CARD14: variants seen among roughly 807,000 people sequenced by gnomAD.
CARD14 encodes the protein caspase recruitment domain family member 14.
CARD14 carries 107 observed loss-of-function variants against 111.5 expected under a neutral mutation model. The observed-to-expected ratio is 0.96, with a 90% CI of 0.82 to 1.13. The LOEUF is 1.13. Ranked by LOEUF, CARD14 falls within the 50% of genes most tolerant of loss-of-function variation. CARD14 has a pLI of 0.00. For synonymous variants in CARD14, 617 were observed against 579.6 expected (o/e 1.06, Z -0.93); for missense variants, 1,322 against 1,362.3 (o/e 0.97, Z 0.47).
At chr17:80,176,335 G>A (rs977552093) in intron 2 of CARD14, among the ~76,000 whole-genome samples, 5 of 150,804 alleles carry the variant, frequency 3.3e-5, no homozygotes, top group Admixed American at 1.3e-4. Context: ...CAGATACTCC[G>A]GAGGCTAAGG....
At position 80,208,112 on chromosome 17, in the gene CARD14, G is replaced by GC. The variant is rs750926227; in HGVS notation, c.2808-18dup. ...TGGGCCCTTGCTCTCCCCTGAGCCC[G>GC]CCCCCCCCAACTCTGGCCTGTGCAG... On this transcript the variant is annotated intron_variant, in intron 23 of 23. Coordinates refer to ENST00000648509, the MANE Select transcript of CARD14 (RefSeq NM_001366385.1). 349 of 1,216,830 alleles carry GC rather than the reference G, an allele frequency of 2.9e-4. 1 individual carries two copies. Among genetic ancestry groups the GC allele is most frequent in the African/African-American group, 1.1e-3 (72 of 64,606 alleles). 75.4% of individuals were successfully genotyped at this position (1,216,830 alleles called of 1,614,324 possible). A position where few individuals can be genotyped will look rare whatever the true frequency, so the allele number is the denominator to read the frequency against.
At chr17:80,196,225 A>G (rs1352025510) in intron 14 of CARD14, 1 of 152,356 alleles carries the variant, frequency 6.6e-6, no homozygotes, top group Non-Finnish European at 1.5e-5. Context: ...CCTTGCACAC[A>G]GTAGGTGCTT....
At position 80,208,305 on chromosome 17, in the gene CARD14, A is replaced by C. The variant is rs767476798; in HGVS notation, c.2975A>C (p.Glu992Ala). ...TGTGTCCGCCAGGCCATCGCCGACGAGCAGAAGAAGGTGGTGTGGACGGAG... is the reference window on the plus strand; with the variant it reads ...TGTGTCCGCCAGGCCATCGCCGACGCGCAGAAGAAGGTGGTGTGGACGGAG... ...LSCVRQAIAD[E>A]QKKVVWTEQS... The change falls in exon 24 of 24, where the codon GAG becomes GCG. Residue 992 changes from glutamate (E) to alanine (A), a missense_variant. By Grantham distance (107) the Glu-to-Ala change is moderately radical. Transcript: ENST00000648509. 3.1e-6 allele frequency: 5 copies of C among 1,605,794 alleles called. No individual in the cohort carries two copies. Among genetic ancestry groups the C allele is most frequent in the Non-Finnish European group, 4.2e-6 (5 of 1,177,276 alleles).
chr17:80,182,802 G>A lies in CARD14; in HGVS notation c.349+12G>A, dbSNP rs373598742. On this transcript the variant is annotated intron_variant, in intron 6 of 23. Coordinates refer to ENST00000648509, the MANE Select transcript of CARD14 (RefSeq NM_001366385.1). This position sits in a 1 kb window ranked among gnomAD's most constrained non-coding sequence, Gnocchi z 4.7. ...CAGTAACTTTAGCGGTGAGAGCTCC[G>A]ACTTTGACGGTTTGGCAGGCACTTC... is the stretch of plus-strand genomic sequence containing the variant. The A allele has an allele frequency of 3.4e-5, 55 of 1,613,768 alleles. No individual in the cohort carries two copies. The highest frequency in any genetic ancestry group is 3.0e-4 in the Admixed American group (18 of 59,978).
At chr17:80,183,219 G>A (rs575725677) in intron 6 of CARD14, among the ~76,000 whole-genome samples, 19 of 152,326 alleles carry the variant, frequency 1.2e-4, no homozygotes, top group South Asian at 6.2e-4. Flanking sequence ...TGGCAGGGCC[G>A]CGGAGCCTTC....
rs771677359 is a variant in CARD14, at chr17:80,192,505, C to T, written c.1242C>T (p.Leu414=). ...CCTGTCTGGCCTGTCTTTGGCAGCT[C>T]AAGCAGGAAGCCAGGACCAGGGAGC... ...RQLQAEPPGV[L]KQEARTREPC... Residue 414 remains leucine, a splice_region_variant and synonymous_variant, in exon 12 of 24, where the codon CTC becomes CTT. Coordinates refer to ENST00000648509, the MANE Select transcript of CARD14 (RefSeq NM_001366385.1). The T allele has an allele frequency of 6.2e-7, 1 of 1,612,880 alleles. No homozygotes were observed. Among genetic ancestry groups the T allele is most frequent in the Non-Finnish European group, 8.5e-7 (1 of 1,179,310 alleles).
At chr17:80,180,904 A>G (rs867056593) in intron 4 of CARD14, among the ~76,000 whole-genome samples, 4 of 152,332 alleles carry the variant, frequency 2.6e-5, no homozygotes, top group Middle Eastern at 3.4e-3. Flanking sequence ...CTGGGATTGC[A>G]GGTGCATACC....
At chr17:80,193,193 GA>G (rs2040582322) in intron 12 of CARD14, among the ~76,000 whole-genome samples, 4 of 152,226 alleles carry the variant, frequency 2.6e-5, no homozygotes, top group Admixed American at 2.6e-4. Flanking sequence ...GGGTGGACAT[GA>G]GTTTCCAGGG....
chr17:80,205,383 G>A, intron 21 of CARD14, 148 bp from the exon 22 acceptor site: 1 of 1,221,924 alleles, frequency 8.2e-7, no homozygotes, highest in East Asian at 2.6e-5. Flanking sequence ...AGAGCGGGGT[G>A]TGCAGGGTCA....
chr17:80,181,537 C>T lies in CARD14; in HGVS notation c.99C>T (p.Cys33=), dbSNP rs774252063. ...GCCACCGCCACAGGATCGTACGCTG[C>T]ATCTGCCCCAGCCGCCTCACCCCCT... The part of the protein sequence containing the change: ...MESHRHRIVR[C]ICPSRLTPYL... The change falls in exon 5 of 24, where the codon TGC becomes TGT. Residue 33 remains cysteine, a synonymous_variant. Transcript: ENST00000648509. The T allele has an allele frequency of 1.3e-6, 2 of 1,580,854 alleles. No homozygotes were observed. Among genetic ancestry groups the T allele is most frequent in the Non-Finnish European group, 1.7e-6 (2 of 1,163,990 alleles).
Position 80,198,526 on chromosome 17 carries a change from C to T in CARD14, c.1786C>T (p.His596Tyr), listed in dbSNP as rs144549093. The change falls in exon 16 of 24, where the codon CAC (histidine) becomes TAC (tyrosine). Residue 596 changes from histidine to tyrosine, a missense_variant. Transcript: ENST00000648509. This position sits in a 1 kb window ranked among gnomAD's most constrained non-coding sequence, Gnocchi z 7.5. ...IGGNLTGIFIHRVTPGSAADQ... is the reference protein window; with the variant it reads ...IGGNLTGIFIYRVTPGSAADQ... ...CGGGAACCTCACGGGCATCTTCATC[C>T]ACCGGGTCACCCCGGGCTCGGCGGC... 2.5e-6 allele frequency: 4 copies of T among 1,613,168 alleles called. No homozygotes were observed. Among genetic ancestry groups the T allele is most frequent in the Non-Finnish European group, 2.5e-6 (3 of 1,179,928 alleles).
intron 10 of CARD14, 148 bp from the exon 11 acceptor site, chr17:80,191,175 A>G: frequency 9.5e-7 from 1 of 1,050,700 alleles, no homozygotes; most frequent in Non-Finnish European, 1.4e-6. Context: ...GTGAACACGA[A>G]TTGAAATGAA....
In CARD14 at chr17:80,208,120, C is replaced by A; in HGVS notation, c.2808-18C>A. The A allele has an allele frequency of 4.0e-6, 6 of 1,502,478 alleles. No individual in the cohort carries two copies. Among genetic ancestry groups the A allele is most frequent in the South Asian group, 1.3e-5 (1 of 78,228 alleles). 93.1% of individuals were successfully genotyped at this position (1,502,478 alleles called of 1,614,324 possible). On this transcript the variant is annotated intron_variant, in intron 23 of 23. Coordinates refer to ENST00000648509, the MANE Select transcript of CARD14 (RefSeq NM_001366385.1). ...TGCTCTCCCCTGAGCCCGCCCCCCC[C>A]AACTCTGGCCTGTGCAGGAAGGGCC...
rs148170776 is a variant in CARD14 at position 80,182,690 on chromosome 17, C to A, written c.249C>A (p.Asn83Lys). 2 of 1,614,012 alleles carry A rather than the reference C, an allele frequency of 1.2e-6. No individual in the cohort carries two copies. Among genetic ancestry groups the A allele is most frequent in the East Asian group, 2.2e-5 (1 of 44,888 alleles). The change falls in exon 6 of 24, where the codon AAC becomes AAA. Residue 83 changes from asparagine to lysine, a missense_variant. Asn to Lys is a moderately conservative substitution (Grantham distance 94). Transcript: ENST00000648509. The surrounding 1 kb of genome is among the most constrained non-coding windows in gnomAD (Gnocchi z 4.7). The stretch of plus-strand genomic sequence containing the variant: ...ATTTGCTGAAGACTCGAGGGAAGAA[C>A]GGGGCCATCGCCTTCCTGGAGAGCC... ...LLDLLKTRGK[N>K]GAIAFLESLK...
chr17:80,203,996 G>A lies in CARD14; in HGVS notation c.2283+111G>A. Reference sequence around the variant, plus strand: ...TGGAGAGTGGGCTGCTGATTGGAGGGTAACCCCACCTGTCTCTCCTCTGCA... The same window carrying A: ...TGGAGAGTGGGCTGCTGATTGGAGGATAACCCCACCTGTCTCTCCTCTGCA... On this transcript the variant is annotated intron_variant, in intron 19 of 23. Coordinates refer to ENST00000648509, the MANE Select transcript of CARD14 (RefSeq NM_001366385.1). This position sits in a 1 kb window ranked among gnomAD's most constrained non-coding sequence, Gnocchi z 4.6. 2.1e-6 allele frequency: 2 copies of A among 939,764 alleles called. No homozygotes were observed. The highest frequency in any genetic ancestry group is 3.2e-6 in the Non-Finnish European group (2 of 619,628). 58.2% of individuals were successfully genotyped at this position (939,764 alleles called of 1,614,324 possible). A position where few individuals can be genotyped will look rare whatever the true frequency, so the allele number is the denominator to read the frequency against.
At position 80,198,712 on chromosome 17, in the gene CARD14, T is replaced by C. The variant is rs540474487; in HGVS notation, c.1851+121T>C. ...ATGCAGATCCACTCTGGGCTGGGCC[T>C]CTGCTCTTTCCTGGGCTGACGTAAA... On this transcript the variant is annotated intron_variant, in intron 16 of 23. Transcript: ENST00000648509. This position sits in a 1 kb window ranked among gnomAD's most constrained non-coding sequence, Gnocchi z 7.5. 4.5e-5 allele frequency: 72 copies of C among 1,587,340 alleles called. No individual in the cohort carries two copies. The South Asian group carries it at 6.2e-4, about 14-fold the overall frequency.
rs752609824 is a variant in CARD14, at chr17:80,184,166, C to G, written c.603C>G (p.Leu201=). 2.6e-6 allele frequency: 4 copies of G among 1,563,894 alleles called. No homozygotes were observed. The highest frequency in any genetic ancestry group is 3.5e-6 in the Non-Finnish European group (4 of 1,154,434). Residue 201 remains leucine (L), a synonymous_variant, in exon 7 of 24, where the codon CTC becomes CTG. Coordinates refer to ENST00000648509, the MANE Select transcript of CARD14 (RefSeq NM_001366385.1). ...VLRLKDEMLS[L]SLHYSNALQE... Reference sequence around the variant, plus strand: ...GGCTGAAGGACGAGATGCTCAGCCTCTCGCTGCACTATAGCAATGCGCTGC... The same window carrying G: ...GGCTGAAGGACGAGATGCTCAGCCTGTCGCTGCACTATAGCAATGCGCTGC...
Position 80,201,610 on chromosome 17 carries a change from G to T in CARD14, c.1852-134G>T. ...AGGCTCTGGTGTGTGGCTTTGTTTTGACCAAGGCGTGCAGGCAGTGGTCCT... is the reference window on the plus strand; with the variant it reads ...AGGCTCTGGTGTGTGGCTTTGTTTTTACCAAGGCGTGCAGGCAGTGGTCCT... On this transcript the variant is annotated intron_variant, in intron 16 of 23. Coordinates refer to ENST00000648509, the MANE Select transcript of CARD14 (RefSeq NM_001366385.1). The surrounding 1 kb of genome is among the most constrained non-coding windows in gnomAD (Gnocchi z 5.0). The T allele has an allele frequency of 1.1e-6, 1 of 883,818 alleles. No individual in the cohort carries two copies. 54.7% of individuals were successfully genotyped at this position (883,818 alleles called of 1,614,324 possible).
chr17:80,181,684 C>T (rs2040181809), intron 5 of CARD14, 35 bp downstream of exon 5: 3 of 1,511,492 alleles, frequency 2.0e-6, no homozygotes, highest in Non-Finnish European at 2.7e-6. Context: ...CCTCTTCCAG[C>T]TTCCCGTGGC....
Sources: allele counts gnomAD v4.1 joint callset (sites outside exome capture counted in the v4.1 genomes callset), GRCh38; gene constraint gnomAD v4.1.1; non-coding constraint Gnocchi (gnomAD v3.1); transcripts MANE v1.5; gene names NCBI Gene and HGNC (gene_info 2026-07-23, HGNC 2026-07-21).